The following CMSS1 variants were observed in gnomAD, a reference collection of about 807,000 sequenced individuals.
The protein encoded by CMSS1 is cms1 ribosomal small subunit homolog, also known as protein CMSS1.
A neutral mutation model predicts 43.5 loss-of-function variants in CMSS1; 33 were observed. That is an observed-to-expected ratio of 0.76 (90% CI 0.57 to 1.01). The LOEUF (loss-of-function observed/expected upper bound fraction) is 1.01. Ranked by LOEUF, CMSS1 falls within the 50% of genes least tolerant of loss-of-function variation. CMSS1 has a pLI of 0.00. For missense variants in CMSS1, 313 were observed against 326.4 expected (o/e 0.96, Z 0.32); for synonymous variants, 115 against 117.2 (o/e 0.98, Z 0.12).
chr3:99,929,764 G>A (rs1032928391), intron 1 of CMSS1: 8 of 909,712 alleles, frequency 8.8e-6, no homozygotes, highest in Non-Finnish European at 1.3e-5. Flanking sequence ...AAGTAAAACT[G>A]TAAGGAATCA....
intron 1 of CMSS1, among the ~76,000 whole-genome samples, chr3:100,132,005 G>C (rs2066712873): frequency 6.6e-6 from 1 of 152,078 alleles, no homozygotes; most frequent in African/African-American, 2.4e-5. Flanking sequence ...TTGAAATAGA[G>C]ATAATTTTTC....
At chr3:99,865,855 A>G (rs530067693) in intron 1 of CMSS1, among the ~76,000 whole-genome samples, 67 of 152,088 alleles carry the variant, frequency 4.4e-4, no homozygotes, top group African/African-American at 1.5e-3. Context: ...TTATATTTCA[A>G]TGATCCTTTT....
chr3:99,946,662 C>T (rs1708017190), intron 1 of CMSS1, among the ~76,000 whole-genome samples: 1 of 152,170 alleles, frequency 6.6e-6, no homozygotes, highest in African/African-American at 2.4e-5. Flanking sequence ...TTACCATGCA[C>T]ATCATAATTA....
intron 1 of CMSS1, among the ~76,000 whole-genome samples, chr3:100,126,771 G>A (rs542826657): frequency 6.0e-4 from 92 of 152,262 alleles, no homozygotes; most frequent in Middle Eastern, 3.4e-3. Flanking sequence ...GGCCGAGGCC[G>A]GTGGATCACG....
chr3:100,041,253 T>C (rs575928918), intron 1 of CMSS1: 1 of 152,298 alleles, frequency 6.6e-6, no homozygotes, highest in South Asian at 2.1e-4. Context: ...CAAGTTAATT[T>C]TGAGAATGGC....
At chr3:100,156,808 G>A (rs896111170) in intron 2 of CMSS1, among the ~76,000 whole-genome samples, 1 of 151,906 alleles carries the variant, frequency 6.6e-6, no homozygotes, top group South Asian at 2.1e-4. Flanking sequence ...GTAGAGATGG[G>A]GTTTCACCAT....
At chr3:100,002,628 A>G (rs553979131) in intron 1 of CMSS1, among the ~76,000 whole-genome samples, 2 of 152,222 alleles carry the variant, frequency 1.3e-5, no homozygotes, top group Admixed American at 6.5e-5. Flanking sequence ...TGTCCATCAT[A>G]TGGGTGTGAT....
intron 1 of CMSS1, among the ~76,000 whole-genome samples, chr3:100,070,550 G>GTTGTA (rs755990291): frequency 6.6e-6 from 1 of 152,216 alleles, no homozygotes; most frequent in African/African-American, 2.4e-5. Flanking sequence ...GATGTATGGG[G>GTTGTA]TTGTAATAAG....
chr3:99,939,022 G>C (rs957547693), intron 1 of CMSS1, among the ~76,000 whole-genome samples: 1 of 152,106 alleles, frequency 6.6e-6, no homozygotes, highest in Admixed American at 6.5e-5. Context: ...TTTTCTTAGT[G>C]ATATTTTTCC....
At chr3:100,036,362 T>C (rs1219821800) in intron 1 of CMSS1, among the ~76,000 whole-genome samples, 1 of 152,064 alleles carries the variant, frequency 6.6e-6, no homozygotes, top group East Asian at 1.9e-4. Context: ...TGTTAGGAAG[T>C]CTCAAAAAAT....
chr3:100,095,046 A>G (rs919027049), intron 1 of CMSS1, among the ~76,000 whole-genome samples: 3 of 152,164 alleles, frequency 2.0e-5, no homozygotes, highest in Non-Finnish European at 4.4e-5. Context: ...CCAGGCAGGC[A>G]TATTTGCATG....
chr3:99,846,223 C>T (rs1163071675), intron 1 of CMSS1, among the ~76,000 whole-genome samples: 1 of 152,200 alleles, frequency 6.6e-6, no homozygotes, highest in African/African-American at 2.4e-5. Flanking sequence ...GGCTGGTTAT[C>T]TCTGCCTCTT....
intron 1 of CMSS1, among the ~76,000 whole-genome samples, chr3:99,825,230 A>G (rs111384597): frequency 6.6e-6 from 1 of 152,216 alleles, no homozygotes; most frequent in Non-Finnish European, 1.5e-5. Context: ...TCAAGCTCTC[A>G]TGCTTAGCCT....
At chr3:99,828,784 C>T in intron 1 of CMSS1, among the ~76,000 whole-genome samples, 1 of 152,070 alleles carries the variant, frequency 6.6e-6, no homozygotes, top group Non-Finnish European at 1.5e-5. Context: ...CCATCCCCTT[C>T]TACTATTCTC....
intron 1 of CMSS1, among the ~76,000 whole-genome samples, chr3:99,931,496 G>A (rs1707481912): frequency 6.6e-6 from 1 of 151,960 alleles, no homozygotes; most frequent in African/African-American, 2.4e-5. Flanking sequence ...TTTTTGTTTT[G>A]TTTTTAAAAT....
chr3:99,928,989 A>G (rs1430671295), intron 1 of CMSS1, among the ~76,000 whole-genome samples: 2 of 152,218 alleles, frequency 1.3e-5, no homozygotes, highest in Admixed American at 6.5e-5. Context: ...CGAGAATAGC[A>G]AGGACATTAG....
chr3:100,056,932 A>G (rs2065475008), intron 1 of CMSS1, among the ~76,000 whole-genome samples: 1 of 151,996 alleles, frequency 6.6e-6, no homozygotes, highest in Non-Finnish European at 1.5e-5. Context: ...TGAACCTGGG[A>G]GGCGGAGCTT....
intron 1 of CMSS1, among the ~76,000 whole-genome samples, chr3:100,046,135 T>C (rs1198117248): frequency 7.2e-5 from 11 of 152,212 alleles, no homozygotes; most frequent in Non-Finnish European, 5.9e-5. Context: ...GCTAAATAGC[T>C]GTATTCTCAA....
chr3:100,108,387 A>C (rs2066429876), intron 1 of CMSS1, among the ~76,000 whole-genome samples: 1 of 152,186 alleles, frequency 6.6e-6, no homozygotes, highest in Non-Finnish European at 1.5e-5. Context: ...AACTGTGCTT[A>C]TTACTTACCA....
Sources: gnomAD v4.1 joint callset for allele counts (sites outside exome capture counted in the v4.1 genomes callset) on GRCh38, gnomAD v4.1.1 for gene constraint, MANE v1.5 for transcripts, NCBI Gene and HGNC (gene_info 2026-07-23, HGNC 2026-07-21) for gene names.